Variants in PDE5A observed in about 807,000 individuals in gnomAD.
PDE5A encodes cGMP-specific 3',5'-cyclic phosphodiesterase.
PDE5A carries 67 observed loss-of-function variants against 110.2 expected under a neutral mutation model. The observed-to-expected ratio is 0.61, with a 90% CI of 0.50 to 0.75. The LOEUF is 0.75. Among genes scored for constraint, PDE5A ranks in the 30% least tolerant of loss-of-function variants. The probability of loss-of-function intolerance (pLI) is 0.00; values close to 1 mark genes in which losing one functional copy is unlikely to be tolerated. For missense variants in PDE5A, 862 were observed against 1,045.1 expected (o/e 0.82, Z 2.42); for synonymous variants, 328 against 351.2 (o/e 0.93, Z 0.74).
chr4:119,594,718 T>A (rs1318318005), intron 3 of PDE5A, among the ~76,000 whole-genome samples: 1 of 152,194 alleles, frequency 6.6e-6, no homozygotes, highest in Non-Finnish European at 1.5e-5. Flanking sequence ...GCATTTTTAG[T>A]TACTACTGCT....
chr4:119,577,522 C>G (rs1728402890), intron 3 of PDE5A, among the ~76,000 whole-genome samples: 1 of 152,184 alleles, frequency 6.6e-6, no homozygotes, highest in South Asian at 2.1e-4. Flanking sequence ...GGATGCAAGG[C>G]TGGTTCAACA....
rs111374796 is a variant in PDE5A, at chr4:119,593,888, T to C, written c.831+2635A>G. ...GAAGGCAAAGGAGAAGCAGACACCT[T>C]GGGCGGCAGGATGGTGTGAGTACAA... On this transcript the variant is annotated intron_variant, in intron 3 of 20. Transcript: ENST00000354960. Among the ~76,000 whole-genome samples the C allele has an allele frequency of 5.0e-3, 765 of 152,196 alleles. 7 individuals carry two copies. Among genetic ancestry groups the C allele is most frequent in the African/African-American group, 0.018 (728 of 41,512 alleles).
chr4:119,579,839 A>AT (rs1029910281), intron 3 of PDE5A, among the ~76,000 whole-genome samples: 2 of 138,314 alleles, frequency 1.4e-5, no homozygotes, highest in Admixed American at 7.2e-5. Context: ...TTAAAGTATA[A>AT]TAAAAAAAAA....
At chr4:119,552,773 G>A in intron 8 of PDE5A, 136 bp from the exon 9 acceptor site, 1 of 447,712 alleles carries the variant, frequency 2.2e-6, no homozygotes, top group Non-Finnish European at 4.0e-6. Flanking sequence ...TTGGAAAGCA[G>A]AAAATGTATA....
intron 15 of PDE5A, among the ~76,000 whole-genome samples, chr4:119,510,501 C>T (rs10031328): frequency 0.015 from 2,291 of 152,158 alleles, 60 homozygotes; most frequent in African/African-American, 0.052. Flanking sequence ...ATTACACCAG[C>T]ACAGCCATTG....
chr4:119,627,794 G>T lies in PDE5A; in HGVS notation c.152+726C>A, dbSNP rs895213920. Among the ~76,000 whole-genome samples, 3 of 152,228 alleles carry T rather than the reference G, an allele frequency of 2.0e-5. No homozygotes were observed. The South Asian group carries it at 6.2e-4, about 31-fold the overall frequency. The stretch of plus-strand genomic sequence containing the variant: ...CGCCCCGGCGCTTGGCTCTGGACCA[G>T]AAAGAGCTGGCCTCTGGGGTCTGCG... On this transcript the variant is annotated intron_variant, in intron 1 of 20. Transcript: ENST00000354960. This position sits in a 1 kb window ranked among gnomAD's most constrained non-coding sequence, Gnocchi z 4.6.
At chr4:119,596,444 T>C in intron 3 of PDE5A, 79 bp downstream of exon 3, 1 of 655,418 alleles carries the variant, frequency 1.5e-6, no homozygotes, top group East Asian at 3.0e-5. Context: ...ATTTCATATA[T>C]ATGCAAAGTA....
chr4:119,614,015 G>C lies in PDE5A; in HGVS notation c.153-6718C>G, dbSNP rs1277237646. Among the ~76,000 whole-genome samples the C allele has an allele frequency of 2.6e-5, 4 of 151,432 alleles. No homozygotes were observed. In the East Asian group the frequency reaches 7.9e-4, roughly 30 times the overall value. On this transcript the variant is annotated intron_variant, in intron 1 of 20. Transcript: ENST00000354960. ...ATCTAGAAGTAAAAATCAAATTCAA[G>C]CAGAGAAGGCATAGAGAAAGATGAC...
intron 1 of PDE5A, among the ~76,000 whole-genome samples, chr4:119,613,609 T>C (rs773493872): frequency 3.9e-5 from 6 of 152,156 alleles, no homozygotes; most frequent in Non-Finnish European, 5.9e-5. Flanking sequence ...ATGTCCAATA[T>C]AAAAGTAGAA....
chr4:119,556,846 T>C (rs1385958551), intron 7 of PDE5A, among the ~76,000 whole-genome samples: 1 of 152,166 alleles, frequency 6.6e-6, no homozygotes, highest in African/African-American at 2.4e-5. Context: ...TGGGAAACAC[T>C]AAATAGTTAC....
At chr4:119,518,518 G>T (rs868329019) in intron 14 of PDE5A, among the ~76,000 whole-genome samples, 6 of 152,298 alleles carry the variant, frequency 3.9e-5, no homozygotes, top group Middle Eastern at 3.4e-3. Context: ...CAAGCATTCT[G>T]CTTGGTATTG....
intron 3 of PDE5A, among the ~76,000 whole-genome samples, chr4:119,575,208 G>T (rs1728289415): frequency 6.6e-6 from 1 of 152,204 alleles, no homozygotes; most frequent in Non-Finnish European, 1.5e-5. Context: ...ATCTATGTCT[G>T]ACTGGTGTAC....
chr4:119,521,070 A>G lies in PDE5A; in HGVS notation c.1780-10T>C, dbSNP rs376384959. On this transcript the variant is annotated splice_polypyrimidine_tract_variant and intron_variant, in intron 12 of 20. Coordinates refer to ENST00000354960, the MANE Select transcript of PDE5A (RefSeq NM_001083.4). Reference sequence around the variant, plus strand: ...TCCATCTGCAAAGAACCTTTAGGGAATAAAACATAAGTAGTAACAATAATT... The same window carrying G: ...TCCATCTGCAAAGAACCTTTAGGGAGTAAAACATAAGTAGTAACAATAATT... 5.0e-6 allele frequency: 8 copies of G among 1,609,396 alleles called. No homozygotes were observed. Among genetic ancestry groups the G allele is most frequent in the Non-Finnish European group, 5.9e-6 (7 of 1,177,226 alleles).
At chr4:119,619,442 T>C (rs1007654789) in intron 1 of PDE5A, among the ~76,000 whole-genome samples, 4 of 152,200 alleles carry the variant, frequency 2.6e-5, no homozygotes, top group Non-Finnish European at 4.4e-5. Flanking sequence ...TTCATTAACT[T>C]GAGCCAGTCA....
Position 119,606,946 on chromosome 4 carries a change from T to C in PDE5A, c.504A>G (p.Leu168=), listed in dbSNP as rs200937989. ...GGATATGCAAGAAAATTTTGTGACA[T>C]AAGGCTGTGACATCCAAATGACTAG... ...DISSHLDVTA[L]CHKIFLHIHG... The change falls in exon 2 of 21, where the codon TTA becomes TTG. Residue 168 remains leucine, a synonymous_variant. Coordinates refer to ENST00000354960, the MANE Select transcript of PDE5A (RefSeq NM_001083.4). The C allele has an allele frequency of 1.5e-5, 24 of 1,614,204 alleles. No individual in the cohort carries two copies. Among genetic ancestry groups the C allele is most frequent in the Middle Eastern group, 1.6e-4 (1 of 6,062 alleles).
chr4:119,616,472 CT>C (rs1182482265), intron 1 of PDE5A, among the ~76,000 whole-genome samples: 1 of 152,162 alleles, frequency 6.6e-6, no homozygotes, highest in Non-Finnish European at 1.5e-5. Flanking sequence ...TTACAGAAGA[CT>C]CTTGCAGCTC....
intron 2 of PDE5A, among the ~76,000 whole-genome samples, chr4:119,600,184 G>GTATA (rs139276471): frequency 1.9e-4 from 29 of 148,988 alleles, no homozygotes; most frequent in African/African-American, 2.3e-4. Context: ...GAGCACATGA[G>GTATA]TATATATATA....
In PDE5A at chr4:119,627,440, T is replaced by C. The variant is rs1214897795; in HGVS notation, c.152+1080A>G. 10 of 280,668 alleles carry C rather than the reference T, an allele frequency of 3.6e-5. No homozygotes were observed. In the South Asian group the frequency reaches 4.1e-4, roughly 11 times the overall value. The allele number at this position is 280,668 out of a possible 1,614,324, so 17.4% of individuals were successfully genotyped here. Reference sequence around the variant, plus strand: ...CGAACCCGGGCGGGCTCCTCGACCATCACTGCCGGGCGTGTGTCACCCTCC... The same window carrying C: ...CGAACCCGGGCGGGCTCCTCGACCACCACTGCCGGGCGTGTGTCACCCTCC... On this transcript the variant is annotated intron_variant, in intron 1 of 20. Transcript: ENST00000354960. This position sits in a 1 kb window ranked among gnomAD's most constrained non-coding sequence, Gnocchi z 4.6.
chr4:119,607,337 A>T (rs1024747979), intron 1 of PDE5A, 40 bp from the exon 2 acceptor site: 1 of 1,349,610 alleles, frequency 7.4e-7, no homozygotes, highest in Non-Finnish European at 1.0e-6. Flanking sequence ...ATACTTGAAG[A>T]GGAAGGGTGC....
Sources: gnomAD v4.1 joint callset for allele counts (sites outside exome capture counted in the v4.1 genomes callset) on GRCh38, gnomAD v4.1.1 for gene constraint, Gnocchi (gnomAD v3.1) non-coding constraint, MANE v1.5 for transcripts, NCBI Gene and HGNC (gene_info 2026-07-23, HGNC 2026-07-21) for gene names.